The following CENPC variants were observed in gnomAD, a reference collection of about 807,000 sequenced individuals.
The protein encoded by CENPC is centromere protein C.
Under a neutral mutation model 112.1 loss-of-function variants are expected in CENPC, and 63 were observed. The ratio of observed to expected loss-of-function variants is 0.56; its 90% CI spans 0.46 to 0.69. The LOEUF (loss-of-function observed/expected upper bound fraction) is 0.69. Ranked by LOEUF, CENPC falls within the 30% of genes least tolerant of loss-of-function variation. The pLI is 0.00. For synonymous variants in CENPC, 333 were observed against 367.6 expected (o/e 0.91, Z 1.08); for missense variants, 1,000 against 1,103.8 (o/e 0.91, Z 1.33).
intron 4 of CENPC, among the ~76,000 whole-genome samples, chr4:67,531,588 G>A (rs970824754): frequency 1.7e-4 from 26 of 152,194 alleles, no homozygotes; most frequent in African/African-American, 1.7e-4. Context: ...CTGGGAGTGC[G>A]TAAAATTTTG....
chr4:67,508,696 A>G, intron 10 of CENPC, 118 bp downstream of exon 10: 1 of 863,672 alleles, frequency 1.2e-6, no homozygotes, highest in Non-Finnish European at 1.7e-6. Context: ...AATACCAGGT[A>G]TGTCAGAGTG....
At chr4:67,508,225 TTA>T (rs1301796918) in intron 10 of CENPC, among the ~76,000 whole-genome samples, 1 of 152,110 alleles carries the variant, frequency 6.6e-6, no homozygotes, top group African/African-American at 2.4e-5. Flanking sequence ...ACAGTAAATT[TTA>T]TGTTATGTGT....
At chr4:67,537,569 T>C (rs1164349690) in intron 4 of CENPC, among the ~76,000 whole-genome samples, 1 of 151,804 alleles carries the variant, frequency 6.6e-6, no homozygotes, top group East Asian at 1.9e-4. Context: ...AATGCAGGAG[T>C]ATCACTTGAG....
intron 7 of CENPC, 105 bp downstream of exon 7, chr4:67,518,051 A>T: frequency 1.6e-6 from 1 of 629,062 alleles, no homozygotes; most frequent in Non-Finnish European, 2.5e-6. Context: ...AATTTTTGTT[A>T]ATTAAATTAC....
rs559741042 is a variant in CENPC at position 67,479,665 on chromosome 4, T to A, written c.2671-4687A>T. 4.6e-5 allele frequency among the ~76,000 whole-genome samples: 7 copies of A among 152,104 alleles called. No homozygotes were observed. The East Asian group carries it at 1.4e-3, about 29-fold the overall frequency. On this transcript the variant is annotated intron_variant, in intron 17 of 18. Coordinates refer to ENST00000273853, the MANE Select transcript of CENPC (RefSeq NM_001812.4). ...AATCTAAGGTCACACCTCAAGGAGC[T>A]AGAGAAATAAAAACAAACAAAACCT...
At chr4:67,535,521 G>A (rs745665020) in intron 4 of CENPC, among the ~76,000 whole-genome samples, 3 of 151,920 alleles carry the variant, frequency 2.0e-5, no homozygotes, top group South Asian at 2.1e-4. Flanking sequence ...ATACTTAGAC[G>A]TTTGTCATAG....
In CENPC at chr4:67,514,394, G is replaced by A. The variant is rs1399480732; in HGVS notation, c.1124C>T (p.Pro375Leu). 8.7e-6 allele frequency: 14 copies of A among 1,613,278 alleles called. No individual in the cohort carries two copies. The highest frequency in any genetic ancestry group is 1.1e-5 in the South Asian group (1 of 91,058). ...TGTATCCAGTACTGTTTTATCAGAG[G>A]GCTGAGATGTCTCTACTGGGTGAGG... ...HKPHPVETSQ[P>L]SDKTVLDTSY... The change falls in exon 8 of 19, where the codon CCC becomes CTC. Residue 375 changes from proline (P) to leucine (L), a missense_variant. By Grantham distance (98) the Pro-to-Leu change is moderately conservative. Transcript: ENST00000273853.
At chr4:67,509,489 T>A (rs1160605318) in intron 9 of CENPC, among the ~76,000 whole-genome samples, 2 of 152,164 alleles carry the variant, frequency 1.3e-5, no homozygotes, top group African/African-American at 4.8e-5. Context: ...CTTTAATTAC[T>A]ATCTATATGC....
chr4:67,474,988 T>A lies in CENPC; in HGVS notation c.2671-10A>T. On this transcript the variant is annotated splice_polypyrimidine_tract_variant and intron_variant, in intron 17 of 18. Transcript: ENST00000273853. The stretch of plus-strand genomic sequence containing the variant: ...AGTTAACATAAAAAACCTGTAAAAA[T>A]AAAAATAAAAATCTCATTCAAAACT... 7.2e-7 allele frequency: 1 copy of A among 1,387,342 alleles called. No individual in the cohort carries two copies. The highest frequency in any genetic ancestry group is 9.8e-7 in the Non-Finnish European group (1 of 1,018,440). 85.9% of individuals were successfully genotyped at this position (1,387,342 alleles called of 1,614,324 possible).
chr4:67,539,735 T>C, intron 4 of CENPC, 105 bp downstream of exon 4: 1 of 575,504 alleles, frequency 1.7e-6, no homozygotes. Context: ...TAGAATTCCC[T>C]TTCAAGAATA....
intron 13 of CENPC, among the ~76,000 whole-genome samples, chr4:67,494,925 T>TA (rs1725389044): frequency 6.6e-6 from 1 of 152,078 alleles, no homozygotes; most frequent in Non-Finnish European, 1.5e-5. Context: ...CCCCCTACTA[T>TA]GGGGCAAAAA....
At chr4:67,494,177 C>T (rs1725367741) in intron 13 of CENPC, among the ~76,000 whole-genome samples, 189 bp from the exon 14 acceptor site, 1 of 152,072 alleles carries the variant, frequency 6.6e-6, no homozygotes, top group African/African-American at 2.4e-5. Flanking sequence ...AACAGGCTAC[C>T]AAATTGGCAA....
chr4:67,489,172 A>G (rs909092226), intron 17 of CENPC, among the ~76,000 whole-genome samples: 10 of 146,802 alleles, frequency 6.8e-5, no homozygotes, highest in Non-Finnish European at 1.4e-4. Flanking sequence ...TATTTTTTAT[A>G]TATATAAAAT....
intron 17 of CENPC, among the ~76,000 whole-genome samples, chr4:67,480,741 G>A (rs540114236): frequency 2.6e-5 from 4 of 152,222 alleles, no homozygotes; most frequent in African/African-American, 4.8e-5. Flanking sequence ...GCCAAAATCC[G>A]GCATTGCTTT....
At chr4:67,513,581 A>G (rs355462) in intron 8 of CENPC, among the ~76,000 whole-genome samples, 132,430 of 152,148 alleles carry the variant, frequency 0.87, 57,820 homozygotes, top group East Asian at 0.93. Flanking sequence ...ATTATCTATT[A>G]TTCTACAGAA....
At chr4:67,507,014 C>T (rs1361338710) in intron 10 of CENPC, 80 bp from the exon 11 acceptor site, 4 of 1,004,030 alleles carry the variant, frequency 4.0e-6, no homozygotes, top group African/African-American at 3.3e-5. Context: ...CAGGTGGGTA[C>T]AAAGACAATG....
In CENPC at chr4:67,470,561, A is replaced by C. The variant is rs1311543586; in HGVS notation, c.*2044T>G. 2.5e-5 allele frequency: 3 copies of C among 117,684 alleles called. No individual in the cohort carries two copies. Among genetic ancestry groups the C allele is most frequent in the Non-Finnish European group, 5.4e-5 (3 of 55,594 alleles). 7.3% of individuals were successfully genotyped at this position (117,684 alleles called of 1,614,324 possible). On this transcript the variant is annotated 3_prime_UTR_variant, in exon 19 of 19. Transcript: ENST00000273853. ...CACTCCAGCCCAGGCAACAAGAGTG[A>C]AACTCTGCCTCAAAAAAAAAAAAAA... is the stretch of plus-strand genomic sequence containing the variant.
chr4:67,478,325 A>G (rs1394662800), intron 17 of CENPC, among the ~76,000 whole-genome samples: 3 of 152,206 alleles, frequency 2.0e-5, no homozygotes, highest in Non-Finnish European at 4.4e-5. Flanking sequence ...TATTTAAAAA[A>G]AACCTATCAG....
At chr4:67,508,459 C>T (rs1383390602) in intron 10 of CENPC, among the ~76,000 whole-genome samples, 1 of 133,308 alleles carries the variant, frequency 7.5e-6, no homozygotes, top group Non-Finnish European at 1.5e-5. Flanking sequence ...TTACAGTGGG[C>T]TATGATCACG....
Sources: gnomAD v4.1 joint callset for allele counts (sites outside exome capture counted in the v4.1 genomes callset) on GRCh38, gnomAD v4.1.1 for gene constraint, MANE v1.5 for transcripts, NCBI Gene and HGNC (gene_info 2026-07-23, HGNC 2026-07-21) for gene names.